The following ERBB4 variants were observed in gnomAD, a reference collection of about 807,000 sequenced individuals.
ERBB4 encodes the protein erb-b2 receptor tyrosine kinase 4.
ERBB4 carries 42 observed loss-of-function variants against 158.0 expected under a neutral mutation model. That is an observed-to-expected ratio of 0.27 (90% confidence interval 0.21 to 0.34). The LOEUF (loss-of-function observed/expected upper bound fraction) is 0.34. ERBB4 is among the 10% of genes least tolerant of loss of function. The probability of loss-of-function intolerance (pLI) is 1.00; values close to 1 mark genes in which losing one functional copy is unlikely to be tolerated. For synonymous variants in ERBB4, 583 were observed against 558.7 expected (o/e 1.04, Z -0.61); for missense variants, 1,333 against 1,624.1 (o/e 0.82, Z 3.08).
intron 20 of ERBB4, among the ~76,000 whole-genome samples, chr2:211,515,404 A>C (rs7567476): frequency 0.28 from 42,339 of 151,708 alleles, 6,257 homozygotes; most frequent in African/African-American, 0.37. Context: ...GACTTTCAAA[A>C]TTCCCAAACA....
rs942854609 is a variant in ERBB4, at chr2:211,606,113, A to G, written c.2301+13064T>C. The stretch of plus-strand genomic sequence containing the variant: ...AATTTCTCTGTACAATAGACAAAGT[A>G]TTAAATAAAAGAATGATAATCTAAT... On this transcript the variant is annotated intron_variant, in intron 19 of 27. Coordinates refer to ENST00000342788, the MANE Select transcript of ERBB4 (RefSeq NM_005235.3). Among the ~76,000 whole-genome samples, 6 of 152,136 alleles carry G rather than the reference A, an allele frequency of 3.9e-5. 1 individual carries two copies. The highest frequency in any genetic ancestry group is 1.3e-4 in the Admixed American group (2 of 15,272).
At chr2:211,716,671 G>A (rs1382681926) in intron 7 of ERBB4, among the ~76,000 whole-genome samples, 1 of 150,600 alleles carries the variant, frequency 6.6e-6, no homozygotes, top group Non-Finnish European at 1.5e-5. Context: ...GCGAGACTCC[G>A]TCTCAAAAAA....
chr2:211,945,643 T>A lies in ERBB4; in HGVS notation c.421+1787A>T, dbSNP rs1220309037. 2.0e-5 allele frequency among the ~76,000 whole-genome samples: 3 copies of A among 152,088 alleles called. No individual in the cohort carries two copies. In the South Asian group the frequency reaches 6.2e-4, roughly 31 times the overall value. On this transcript the variant is annotated intron_variant, in intron 3 of 27. Transcript: ENST00000342788. ...TTTTGGTATGCACAAGTTAAACAACTGTCACAATCTTAAGTAATACAAGTT... is the reference window on the plus strand; with the variant it reads ...TTTTGGTATGCACAAGTTAAACAACAGTCACAATCTTAAGTAATACAAGTT...
intron 1 of ERBB4, among the ~76,000 whole-genome samples, chr2:212,230,103 G>C (rs1458878118): frequency 6.6e-6 from 1 of 152,034 alleles, no homozygotes; most frequent in Admixed American, 6.6e-5. Flanking sequence ...TGGCCAACAC[G>C]GTGAAACCCT....
intron 5 of ERBB4, among the ~76,000 whole-genome samples, chr2:211,731,501 T>C (rs761879884): frequency 6.6e-6 from 1 of 152,118 alleles, no homozygotes; most frequent in Non-Finnish European, 1.5e-5. Context: ...TTACTGACTA[T>C]TAGAGGGATA....
At chr2:211,510,407 C>A (rs576282848) in intron 20 of ERBB4, among the ~76,000 whole-genome samples, 3 of 152,184 alleles carry the variant, frequency 2.0e-5, no homozygotes, top group Non-Finnish European at 4.4e-5. Context: ...GAAGCCCAAA[C>A]CTCACCATTA....
At chr2:211,580,893 A>AG (rs1383741847) in intron 19 of ERBB4, among the ~76,000 whole-genome samples, 3 of 6,142 alleles carry the variant, frequency 4.9e-4, no homozygotes, top group Admixed American at 3.4e-3. Context: ...ATATATATAT[A>AG]TATATATATA....
intron 25 of ERBB4, among the ~76,000 whole-genome samples, chr2:211,395,671 T>A (rs980822436): frequency 2.0e-5 from 3 of 152,016 alleles, no homozygotes; most frequent in African/African-American, 7.2e-5. Flanking sequence ...ATTAGACAAA[T>A]GGGATAATTA....
intron 2 of ERBB4, among the ~76,000 whole-genome samples, chr2:211,975,768 AC>A (rs2081589121): frequency 2.0e-5 from 3 of 152,128 alleles, no homozygotes; most frequent in Admixed American, 2.0e-4. Flanking sequence ...CACAGGAAAA[AC>A]ATCTTATAAA....
intron 2 of ERBB4, among the ~76,000 whole-genome samples, chr2:211,971,785 C>T (rs2081460158): frequency 1.3e-5 from 2 of 152,012 alleles, no homozygotes; most frequent in African/African-American, 4.8e-5. Flanking sequence ...ATAAACAGAA[C>T]TAAAGGCAAA....
At chr2:211,809,737 G>C (rs1255488703) in intron 3 of ERBB4, among the ~76,000 whole-genome samples, 1 of 152,040 alleles carries the variant, frequency 6.6e-6, no homozygotes, top group African/African-American at 2.4e-5. Context: ...GCTAGCTTTT[G>C]AATTTCTTTG....
At chr2:212,069,461 T>C (rs2078044770) in intron 2 of ERBB4, among the ~76,000 whole-genome samples, 1 of 152,052 alleles carries the variant, frequency 6.6e-6, no homozygotes, top group South Asian at 2.1e-4. Context: ...AACATCATAC[T>C]TAATGATGAA....
intron 1 of ERBB4, among the ~76,000 whole-genome samples, chr2:212,206,811 A>G (rs376995303): frequency 1.2e-4 from 18 of 151,932 alleles, no homozygotes; most frequent in African/African-American, 4.1e-4. Flanking sequence ...GATGGTCTCC[A>G]TCTCCTGACC....
chr2:211,626,454 G>A (rs998736650), intron 17 of ERBB4, among the ~76,000 whole-genome samples: 1 of 152,204 alleles, frequency 6.6e-6, no homozygotes, highest in African/African-American at 2.4e-5. Context: ...TCTAGCTTCA[G>A]TATTTAAAGA....
intron 25 of ERBB4, among the ~76,000 whole-genome samples, chr2:211,409,181 C>T (rs191987952): frequency 1.1e-4 from 17 of 151,954 alleles, no homozygotes; most frequent in Admixed American, 8.5e-4. Context: ...AACCAAATGA[C>T]GGGTGAGAGT....
intron 13 of ERBB4, among the ~76,000 whole-genome samples, chr2:211,674,963 T>C (rs2105944379): frequency 6.6e-6 from 1 of 152,286 alleles, no homozygotes; most frequent in East Asian, 1.9e-4. Context: ...CATAAAACAA[T>C]CATGGAGATG....
intron 2 of ERBB4, among the ~76,000 whole-genome samples, chr2:212,042,599 A>G (rs16847568): frequency 0.22 from 33,860 of 151,932 alleles, 4,346 homozygotes; most frequent in African/African-American, 0.36. Context: ...TGTCCAGTTG[A>G]CATTTAATCT....
chr2:211,687,314 A>T, intron 12 of ERBB4, among the ~76,000 whole-genome samples: 1 of 151,616 alleles, frequency 6.6e-6, no homozygotes, highest in South Asian at 2.1e-4. Flanking sequence ...CAAAAAAAAA[A>T]AAAAAAAGAC....
chr2:212,191,627 T>C (rs184980278), intron 1 of ERBB4, among the ~76,000 whole-genome samples: 2,242 of 47,182 alleles, frequency 0.048, 416 homozygotes, highest in African/African-American at 0.15. Context: ...ATAACACATG[T>C]GTTATGCATG....
Sources: gnomAD v4.1 joint callset for allele counts (sites outside exome capture counted in the v4.1 genomes callset) on GRCh38, gnomAD v4.1.1 for gene constraint, MANE v1.5 for transcripts, NCBI Gene and HGNC (gene_info 2026-07-23, HGNC 2026-07-21) for gene names.